The following OSBPL10 variants were observed in gnomAD, a reference collection of about 807,000 sequenced individuals.
OSBPL10 encodes the protein oxysterol-binding protein-related protein 10.
A neutral mutation model predicts 81.7 loss-of-function variants in OSBPL10; 49 were observed. The observed-to-expected ratio is 0.60, with a 90% CI of 0.48 to 0.76. The LOEUF (loss-of-function observed/expected upper bound fraction) is 0.76, where lower values mean the gene tolerates loss of function less well. Ranked by LOEUF, OSBPL10 falls within the 30% of genes least tolerant of loss-of-function variation. The probability of loss-of-function intolerance (pLI) is 0.00; values close to 1 mark genes in which losing one functional copy is unlikely to be tolerated. For missense variants in OSBPL10, 923 were observed against 987.8 expected, an observed-to-expected ratio of 0.93 and a Z score of 0.88; for synonymous variants, 419 against 383.6, an observed-to-expected ratio of 1.09 and a Z score of -1.08.
intron 2 of OSBPL10, chr3:31,989,291 T>G: frequency 2.5e-6 from 4 of 1,614,174 alleles, no homozygotes; most frequent in Non-Finnish European, 3.4e-6. Context: ...AAATGCATGA[T>G]GAAGAAGTTC....
intron 8 of OSBPL10, among the ~76,000 whole-genome samples, chr3:31,676,909 A>G (rs1700491553): frequency 1.3e-5 from 2 of 152,260 alleles, no homozygotes; most frequent in South Asian, 4.2e-4. Flanking sequence ...GAGCAATAGA[A>G]ACGAGAGGGT....
At chr3:31,965,888 C>T (rs7623335) in intron 1 of OSBPL10, among the ~76,000 whole-genome samples, 21,269 of 65,908 alleles carry the variant, frequency 0.32, 5,080 homozygotes, top group East Asian at 0.73. Context: ...AAATAGATAA[C>T]ATATATTATA....
intron 2 of OSBPL10, among the ~76,000 whole-genome samples, chr3:31,999,915 C>T (rs773856144): frequency 7.9e-5 from 12 of 152,150 alleles, no homozygotes; most frequent in Non-Finnish European, 1.0e-4. Context: ...TTCCCTTGCC[C>T]TTAGGTCAGG....
chr3:32,016,577 C>T (rs566248485), intron 2 of OSBPL10, among the ~76,000 whole-genome samples: 68 of 152,240 alleles, frequency 4.5e-4, no homozygotes, highest in African/African-American at 1.5e-3. Flanking sequence ...CACATGTACC[C>T]TAAAACTTAA....
chr3:32,031,253 A>G (rs1176024895), intron 2 of OSBPL10, among the ~76,000 whole-genome samples: 2 of 152,200 alleles, frequency 1.3e-5, no homozygotes, highest in Non-Finnish European at 2.9e-5. Flanking sequence ...CTATTTTACA[A>G]TTTCAGGGAG....
intron 7 of OSBPL10, among the ~76,000 whole-genome samples, chr3:31,698,053 T>G (rs1177800625): frequency 6.6e-6 from 1 of 151,820 alleles, no homozygotes; most frequent in Non-Finnish European, 1.5e-5. Context: ...TGAGCCACGG[T>G]GCCTGGCCAG....
At chr3:31,808,240 G>T (rs1699570641) in intron 4 of OSBPL10, among the ~76,000 whole-genome samples, 1 of 152,148 alleles carries the variant, frequency 6.6e-6, no homozygotes, top group Non-Finnish European at 1.5e-5. Flanking sequence ...GAGGGAAAGG[G>T]GGAGAAAGGA....
chr3:31,857,424 A>G (rs1046630380), intron 3 of OSBPL10, among the ~76,000 whole-genome samples: 1 of 152,118 alleles, frequency 6.6e-6, no homozygotes, highest in Admixed American at 6.5e-5. Flanking sequence ...AGATGTTAAG[A>G]CTTTCAAGTG....
intron 2 of OSBPL10, among the ~76,000 whole-genome samples, chr3:32,015,394 C>T (rs1484941223): frequency 1.3e-5 from 2 of 152,124 alleles, no homozygotes; most frequent in African/African-American, 2.4e-5. Context: ...GCTAGCCATA[C>T]ATAGAAAGCT....
In OSBPL10 at chr3:31,865,884, G is replaced by C. The variant is rs114935366; in HGVS notation, c.537+10549C>G. ...TAGAATCAATCTTTATTTAGTATAA[G>C]CGTAAACACTTTGGTGTGCATTTTT... On this transcript the variant is annotated intron_variant, in intron 3 of 11. Transcript: ENST00000396556. Among the ~76,000 whole-genome samples, 775 of 152,274 alleles carry C rather than the reference G, an allele frequency of 5.1e-3. 8 individuals carry two copies. Among genetic ancestry groups the C allele is most frequent in the Non-Finnish European group, 7.2e-3 (489 of 68,024 alleles).
At chr3:31,791,629 G>A (rs1216332020) in intron 4 of OSBPL10, among the ~76,000 whole-genome samples, 4 of 151,848 alleles carry the variant, frequency 2.6e-5, no homozygotes, top group African/African-American at 9.7e-5. Flanking sequence ...GCACACTAGT[G>A]ACTTAAAGAG....
At chr3:31,921,508 G>A (rs1009946605) in intron 1 of OSBPL10, among the ~76,000 whole-genome samples, 1 of 152,064 alleles carries the variant, frequency 6.6e-6, no homozygotes, top group East Asian at 1.9e-4. Flanking sequence ...AGCCTCCGAT[G>A]GCCAACAAAA....
intron 1 of OSBPL10, among the ~76,000 whole-genome samples, chr3:31,979,054 A>C (rs567172092): frequency 3.7e-4 from 56 of 152,320 alleles, no homozygotes; most frequent in African/African-American, 1.3e-3. Context: ...ACTTGAAGAA[A>C]AAGCATTAAG....
chr3:31,753,014 A>G (rs1216470314), intron 4 of OSBPL10, among the ~76,000 whole-genome samples: 1 of 152,010 alleles, frequency 6.6e-6, no homozygotes, highest in Non-Finnish European at 1.5e-5. Context: ...AGACCATACA[A>G]TTTGATGCCA....
rs772378558 is a variant in OSBPL10 at position 31,662,123 on chromosome 3, G to GAGAAGAA, written c.2251-14_2251-8dup. On this transcript the variant is annotated splice_region_variant and splice_polypyrimidine_tract_variant and intron_variant, in intron 11 of 11. Coordinates refer to ENST00000396556, the MANE Select transcript of OSBPL10 (RefSeq NM_017784.5). ...AGTATACCCAGCCATCGCCCTGCAAGAGAAGAAAGGAGGCATTATTACATG... is the reference window on the plus strand; with the variant it reads ...AGTATACCCAGCCATCGCCCTGCAAGAGAAGAAAGAAGAAAGGAGGCATTATTACATG... 6.2e-7 allele frequency: 1 copy of GAGAAGAA among 1,614,032 alleles called. No homozygotes were observed. The highest frequency in any genetic ancestry group is 1.1e-5 in the South Asian group (1 of 91,048).
intron 4 of OSBPL10, among the ~76,000 whole-genome samples, chr3:31,778,397 C>T (rs556056290): frequency 2.0e-5 from 3 of 152,138 alleles, no homozygotes; most frequent in Non-Finnish European, 2.9e-5. Flanking sequence ...CTGCCTGCCT[C>T]CACCTGATGG....
chr3:31,733,483 C>T, intron 5 of OSBPL10, 72 bp from the exon 6 acceptor site: 1 of 1,587,400 alleles, frequency 6.3e-7, no homozygotes, highest in Non-Finnish European at 8.6e-7. Context: ...AATATTTGTA[C>T]TCACTGTATG....
chr3:31,858,445 G>A (rs190573141), intron 3 of OSBPL10, among the ~76,000 whole-genome samples: 9 of 152,052 alleles, frequency 5.9e-5, no homozygotes, highest in Middle Eastern at 3.4e-3. Flanking sequence ...TGCTTGTTTC[G>A]CAGGGCCCAA....
intron 2 of OSBPL10, among the ~76,000 whole-genome samples, chr3:32,036,832 A>AC (rs1699524033): frequency 6.6e-6 from 1 of 150,596 alleles, no homozygotes; most frequent in African/African-American, 2.4e-5. Flanking sequence ...TCAAAAAAAA[A>AC]AAAGAAAAAG....
Sources: gnomAD v4.1 joint callset for allele counts (sites outside exome capture counted in the v4.1 genomes callset) on GRCh38, gnomAD v4.1.1 for gene constraint, MANE v1.5 for transcripts, NCBI Gene and HGNC (gene_info 2026-07-23, HGNC 2026-07-21) for gene names.